GPR39: variants seen among roughly 807,000 people sequenced by gnomAD.
GPR39 encodes the protein zinc sensing receptor.
In GPR39, 23 loss-of-function variants were observed where a neutral mutation model predicts 18.4. That is an observed-to-expected ratio of 1.25 (90% CI 0.90 to 1.77). The LOEUF (loss-of-function observed/expected upper bound fraction) is 1.77. Among genes scored for constraint, GPR39 ranks in the 40% most tolerant of loss-of-function variants. GPR39 has a pLI of 0.00. For missense variants in GPR39, 647 were observed against 602.4 expected, an observed-to-expected ratio of 1.07 and a Z score of -0.78; for synonymous variants, 280 against 257.9, an observed-to-expected ratio of 1.09 and a Z score of -0.82.
chr2:132,627,884 G>C (rs191560318), intron 1 of GPR39, among the ~76,000 whole-genome samples: 1 of 152,180 alleles, frequency 6.6e-6, no homozygotes, highest in Non-Finnish European at 1.5e-5. Flanking sequence ...AGCTTGGCAG[G>C]GTTGGGAAAA....
intron 1 of GPR39, among the ~76,000 whole-genome samples, chr2:132,479,918 A>G (rs566272779): frequency 2.0e-5 from 3 of 150,462 alleles, no homozygotes; most frequent in Non-Finnish European, 4.4e-5. Flanking sequence ...TCATAGCAGC[A>G]CCGTTTGCCA....
intron 1 of GPR39, among the ~76,000 whole-genome samples, chr2:132,500,294 G>C (rs1159452756): frequency 6.6e-6 from 1 of 152,104 alleles, no homozygotes; most frequent in Non-Finnish European, 1.5e-5. Context: ...AATCATAAAG[G>C]GATGCTGGAT....
chr2:132,618,803 A>C (rs958602167), intron 1 of GPR39, among the ~76,000 whole-genome samples: 1 of 152,240 alleles, frequency 6.6e-6, no homozygotes, highest in Non-Finnish European at 1.5e-5. Flanking sequence ...ACTTAATGCC[A>C]GGCTGCTGGC....
At chr2:132,530,517 A>G (rs1003832151) in intron 1 of GPR39, among the ~76,000 whole-genome samples, 5 of 151,958 alleles carry the variant, frequency 3.3e-5, no homozygotes, top group African/African-American at 1.2e-4. Flanking sequence ...CCACAAAGAT[A>G]CTCCTTGAGA....
At chr2:132,599,997 T>A (rs1573690832) in intron 1 of GPR39, among the ~76,000 whole-genome samples, 2 of 152,190 alleles carry the variant, frequency 1.3e-5, no homozygotes, top group South Asian at 4.1e-4. Context: ...CCACATTGAC[T>A]CTCCACATCA....
At chr2:132,497,806 T>C (rs1400539246) in intron 1 of GPR39, among the ~76,000 whole-genome samples, 1 of 152,146 alleles carries the variant, frequency 6.6e-6, no homozygotes, top group East Asian at 1.9e-4. Context: ...CTGATAGTTA[T>C]TGAGAAACAG....
intron 1 of GPR39, among the ~76,000 whole-genome samples, chr2:132,557,761 T>G (rs1200739409): frequency 6.6e-6 from 1 of 152,214 alleles, no homozygotes; most frequent in East Asian, 1.9e-4. Context: ...CCACATATCT[T>G]CTCGTGACTG....
At chr2:132,442,318 A>G (rs1389352014) in intron 1 of GPR39, among the ~76,000 whole-genome samples, 1 of 152,172 alleles carries the variant, frequency 6.6e-6, no homozygotes, top group East Asian at 1.9e-4. Context: ...ACAACTGTAG[A>G]TGCCCAGGTC....
intron 1 of GPR39, among the ~76,000 whole-genome samples, chr2:132,601,850 C>T (rs1043266250): frequency 2.6e-5 from 4 of 151,700 alleles, no homozygotes; most frequent in Admixed American, 2.0e-4. Context: ...ATGCATTTAA[C>T]CAAAAAGGCT....
intron 1 of GPR39, among the ~76,000 whole-genome samples, chr2:132,623,573 T>C (rs1681484165): frequency 6.6e-6 from 1 of 152,174 alleles, no homozygotes; most frequent in South Asian, 2.1e-4. Context: ...AAGGCAAAAA[T>C]GACTCAGCAT....
chr2:132,610,839 A>G (rs1405049534), intron 1 of GPR39, among the ~76,000 whole-genome samples: 1 of 151,370 alleles, frequency 6.6e-6, no homozygotes, highest in Non-Finnish European at 1.5e-5. Flanking sequence ...GAGCTCTGTC[A>G]TCATCAACTC....
rs777284133 is a variant in GPR39 at position 132,417,417 on chromosome 2, C to T, written c.375C>T (p.His125=). The T allele has an allele frequency of 1.7e-5, 27 of 1,614,228 alleles. No homozygotes were observed. Among genetic ancestry groups the T allele is most frequent in the South Asian group, 5.5e-5 (5 of 91,090 alleles). The part of the protein sequence containing the change: ...FEACSYATLL[H]VLTLSFERYI... ...CCTGCAGCTACGCTACGCTGCTGCA[C>T]GTGCTGACACTCAGCTTTGAGCGCT... The change falls in exon 1 of 2, where the codon CAC becomes CAT. Residue 125 remains histidine, a synonymous_variant. Coordinates refer to ENST00000329321, the MANE Select transcript of GPR39 (RefSeq NM_001508.3).
Position 132,553,313 on chromosome 2 carries a change from ATGTGTGTGTG to A in GPR39, c.857-91774_857-91765del, listed in dbSNP as rs149187122. On this transcript the variant is annotated intron_variant, in intron 1 of 1. Coordinates refer to ENST00000329321, the MANE Select transcript of GPR39 (RefSeq NM_001508.3). ...TGTATATATACACACATATGTATAT[ATGTGTGTGTG>A]TGTGTGTGTGTGTATGTATATGTGT... is the stretch of plus-strand genomic sequence containing the variant. 1.4e-4 allele frequency among the ~76,000 whole-genome samples: 20 copies of A among 146,232 alleles called. 1 individual carries two copies. The highest frequency in any genetic ancestry group is 1.3e-3 in the South Asian group (6 of 4,600).
intron 1 of GPR39, among the ~76,000 whole-genome samples, chr2:132,590,510 A>G (rs3109157): frequency 0.4 from 60,713 of 151,604 alleles, 14,272 homozygotes; most frequent in African/African-American, 0.65. Context: ...CGCAAGACCT[A>G]TGGTGGGCTG....
chr2:132,581,319 TG>T (rs1370237509), intron 1 of GPR39, among the ~76,000 whole-genome samples: 10 of 145,816 alleles, frequency 6.9e-5, no homozygotes, highest in African/African-American at 2.5e-4. Flanking sequence ...CACAGGGCTA[TG>T]GGGGAACGAT....
chr2:132,598,365 A>ATTT (rs201356581), intron 1 of GPR39, among the ~76,000 whole-genome samples: 5 of 131,150 alleles, frequency 3.8e-5, no homozygotes, highest in Admixed American at 7.5e-5. Context: ...TCACCAAGGG[A>ATTT]TTTTTTTTTT....
intron 1 of GPR39, among the ~76,000 whole-genome samples, chr2:132,518,964 TAG>T (rs1181371363): frequency 6.6e-6 from 1 of 152,242 alleles, no homozygotes; most frequent in East Asian, 1.9e-4. Flanking sequence ...AGGATGGGTC[TAG>T]ATTGAATTTC....
At chr2:132,543,337 A>T (rs1365581363) in intron 1 of GPR39, among the ~76,000 whole-genome samples, 1 of 152,106 alleles carries the variant, frequency 6.6e-6, no homozygotes, top group African/African-American at 2.4e-5. Flanking sequence ...CTTACCGTGT[A>T]TGTGTTAAGG....
chr2:132,522,803 G>T (rs1679448722), intron 1 of GPR39, among the ~76,000 whole-genome samples: 1 of 152,212 alleles, frequency 6.6e-6, no homozygotes, highest in Non-Finnish European at 1.5e-5. Flanking sequence ...GAGCCTCCAT[G>T]TGGGGAAACC....
Sources: gnomAD v4.1 joint callset for allele counts (sites outside exome capture counted in the v4.1 genomes callset) on GRCh38, gnomAD v4.1.1 for gene constraint, MANE v1.5 for transcripts, NCBI Gene and HGNC (gene_info 2026-07-23, HGNC 2026-07-21) for gene names.